CLIP2: variants seen among roughly 807,000 people sequenced by gnomAD.
CLIP2 encodes the protein CAP-Gly domain containing linker protein 2, also known as CAP-Gly domain-containing linker protein 2.
CLIP2 carries 41 observed loss-of-function variants against 111.7 expected under a neutral mutation model. That is an observed-to-expected ratio of 0.37 (90% CI 0.29 to 0.48). CLIP2 has a LOEUF of 0.48. Ranked by LOEUF, CLIP2 falls within the 20% of genes least tolerant of loss-of-function variation. CLIP2 has a pLI of 0.99. For synonymous variants in CLIP2, 660 were observed against 644.2 expected (o/e 1.02, Z -0.37); for missense variants, 1,160 against 1,422.1 (o/e 0.82, Z 2.96).
intron 15 of CLIP2, among the ~76,000 whole-genome samples, 198 bp from the exon 16 acceptor site, chr7:74,401,307 C>T (rs1791612081): frequency 6.6e-6 from 1 of 152,212 alleles, no homozygotes; most frequent in South Asian, 2.1e-4. Flanking sequence ...ATGGCTTTGC[C>T]CTGAGGAGCT....
At chr7:74,381,529 A>G (rs1790946849) in intron 11 of CLIP2, 1 of 449,470 alleles carries the variant, frequency 2.2e-6, no homozygotes, top group Non-Finnish European at 4.5e-6. Flanking sequence ...AATGGTTCAA[A>G]GGGCATATGG....
chr7:74,401,184 G>T (rs1008471061), intron 15 of CLIP2, among the ~76,000 whole-genome samples: 8 of 152,008 alleles, frequency 5.3e-5, no homozygotes, highest in Non-Finnish European at 1.2e-4. Context: ...TCAGAAATGG[G>T]AGGCAGCCCT....
At chr7:74,336,775 G>C (rs1789472976) in intron 2 of CLIP2, among the ~76,000 whole-genome samples, 1 of 151,874 alleles carries the variant, frequency 6.6e-6, no homozygotes, top group African/African-American at 2.4e-5. Context: ...GGGGGCAATT[G>C]GGGATCAGAT....
chr7:74,385,874 C>T (rs1584383002), intron 11 of CLIP2, among the ~76,000 whole-genome samples: 1 of 151,180 alleles, frequency 6.6e-6, no homozygotes, highest in East Asian at 1.9e-4. Context: ...TCCCAAGTAG[C>T]TGGAATTACA....
At chr7:74,395,136 C>T (rs1284260990) in intron 13 of CLIP2, among the ~76,000 whole-genome samples, 1 of 151,982 alleles carries the variant, frequency 6.6e-6, no homozygotes, top group East Asian at 1.9e-4. Flanking sequence ...AGATTCCTCC[C>T]TTCTAGGATA....
intron 2 of CLIP2, 60 bp downstream of exon 2, chr7:74,317,727 CTGGA>C: frequency 7.3e-7 from 1 of 1,362,864 alleles, no homozygotes; most frequent in Non-Finnish European, 9.5e-7. Flanking sequence ...GAGTGTTCTT[CTGGA>C]AGAGCCCCAG....
intron 15 of CLIP2, 40 bp downstream of exon 15, chr7:74,400,595 C>T (rs781911448): frequency 5.4e-6 from 8 of 1,494,986 alleles, no homozygotes; most frequent in Admixed American, 4.6e-5. Flanking sequence ...AGGCAAGCCA[C>T]GGGGCAGTGT....
rs1791582532 is a variant in CLIP2 at position 74,400,308 on chromosome 7, G to A, written c.2881-62G>A. On this transcript the variant is annotated intron_variant, in intron 14 of 16. Transcript: ENST00000223398. ...CTGGAAGACTTTCCTGCCTAGAGTT[G>A]AGACGCCCACCAACACACACACGCA... is the stretch of plus-strand genomic sequence containing the variant. 7.1e-6 allele frequency: 10 copies of A among 1,408,306 alleles called. No individual in the cohort carries two copies. The East Asian group carries it at 2.4e-4, about 34-fold the overall frequency. The allele number at this position is 1,408,306 out of a possible 1,614,324, so 87.2% of individuals were successfully genotyped here. A position where few individuals can be genotyped will look rare whatever the true frequency, so the allele number is the denominator to read the frequency against.
chr7:74,298,005 C>T (rs1554726299), intron 1 of CLIP2, among the ~76,000 whole-genome samples: 1 of 151,728 alleles, frequency 6.6e-6, no homozygotes, highest in Non-Finnish European at 1.5e-5. Flanking sequence ...TCCTAGGTAC[C>T]GAGAACCCAG....
Position 74,376,618 on chromosome 7 carries a change from C to T in CLIP2, c.2217C>T (p.Asp739=), listed in dbSNP as rs73705363. 6.4e-4 allele frequency: 1,025 copies of T among 1,613,150 alleles called. 6 individuals carry two copies. In the African/African-American group the frequency reaches 0.012, roughly 19 times the overall value. ...ELRVHELEKL[D]VEYRGQAQAI... ...GTGTGCACGAGCTGGAAAAACTGGACGTGGAGTACCGGGGCCAGGCGCAGG... is the reference window on the plus strand; with the variant it reads ...GTGTGCACGAGCTGGAAAAACTGGATGTGGAGTACCGGGGCCAGGCGCAGG... Residue 739 remains aspartate (D), a synonymous_variant, in exon 10 of 17, where the codon GAC becomes GAT. Transcript: ENST00000223398. The surrounding 1 kb of genome is among the most constrained non-coding windows in gnomAD (Gnocchi z 7.1).
rs920234748 is a variant in CLIP2, at chr7:74,332,980, C to T, written c.122-5468C>T. Among the ~76,000 whole-genome samples the T allele has an allele frequency of 1.3e-4, 20 of 152,326 alleles. No homozygotes were observed. In the East Asian group the frequency reaches 2.5e-3, roughly 19 times the overall value. On this transcript the variant is annotated intron_variant, in intron 2 of 16. Coordinates refer to ENST00000223398, the MANE Select transcript of CLIP2 (RefSeq NM_003388.5). Reference sequence around the variant, plus strand: ...ACAGGCAGGGCAGGACCCGCGTCCTCGCAGGCGGAGGGGAGAATGCGTCAT... The same window carrying T: ...ACAGGCAGGGCAGGACCCGCGTCCTTGCAGGCGGAGGGGAGAATGCGTCAT...
intron 3 of CLIP2, 88 bp downstream of exon 3, chr7:74,339,092 T>A: frequency 1.5e-6 from 2 of 1,301,898 alleles, no homozygotes; most frequent in Non-Finnish European, 2.1e-6. Flanking sequence ...CCCCCTGGGC[T>A]GGGCAGGGTG....
chr7:74,403,822 C>G lies in CLIP2; in HGVS notation c.3130-15C>G. 6.2e-7 allele frequency: 1 copy of G among 1,613,220 alleles called. No individual in the cohort carries two copies. The highest frequency in any genetic ancestry group is 1.1e-5 in the South Asian group (1 of 91,060). The stretch of plus-strand genomic sequence containing the variant: ...CTCTGAGACCCTTGCTGATGATGCC[C>G]TTTACTCTCTCTAGGACAAGCACTG... On this transcript the variant is annotated splice_polypyrimidine_tract_variant and intron_variant, in intron 16 of 16. Coordinates refer to ENST00000223398, the MANE Select transcript of CLIP2 (RefSeq NM_003388.5).
At chr7:74,369,594 C>T (rs1258164525) in intron 8 of CLIP2, among the ~76,000 whole-genome samples, 3 of 151,914 alleles carry the variant, frequency 2.0e-5, no homozygotes, top group East Asian at 1.9e-4. Context: ...CGGTGGCTCA[C>T]ACCTGTAATC....
chr7:74,329,980 T>C (rs879952666), intron 2 of CLIP2, among the ~76,000 whole-genome samples: 6 of 152,036 alleles, frequency 3.9e-5, no homozygotes, highest in Non-Finnish European at 7.4e-5. Context: ...GGTTTCGCCA[T>C]GTTGGTCAGG....
At chr7:74,356,350 G>A (rs1790142676) in intron 4 of CLIP2, 60 bp from the exon 5 acceptor site, 1 of 1,413,528 alleles carries the variant, frequency 7.1e-7, no homozygotes, top group African/African-American at 1.4e-5. Context: ...AGAGGAGGCA[G>A]GGGAGGCTCT....
chr7:74,365,482 C>A (rs1790453564), intron 8 of CLIP2, among the ~76,000 whole-genome samples: 2 of 152,200 alleles, frequency 1.3e-5, no homozygotes, highest in Admixed American at 6.5e-5. Context: ...TCTCCCAGCC[C>A]CGCCCACTAC....
In CLIP2 at chr7:74,338,923, C is replaced by A; in HGVS notation, c.597C>A (p.Gly199=). The A allele has an allele frequency of 6.2e-7, 1 of 1,601,346 alleles. No homozygotes were observed. Among genetic ancestry groups the A allele is most frequent in the South Asian group, 1.1e-5 (1 of 91,084 alleles). ...TCCTCAACAGCTCCGTGAAGACTGGCAACGAGTCGGGATCCAACCTCTCAG... is the reference window on the plus strand; with the variant it reads ...TCCTCAACAGCTCCGTGAAGACTGGAAACGAGTCGGGATCCAACCTCTCAG... ...ESVLNSSVKT[G]NESGSNLSDS... is the part of the protein sequence containing the mutation. Residue 199 remains glycine (G), a synonymous_variant, in exon 3 of 17, where the codon GGC becomes GGA. Transcript: ENST00000223398. This position sits in a 1 kb window ranked among gnomAD's most constrained non-coding sequence, Gnocchi z 4.3.
chr7:74,399,920 C>T (rs543440605), intron 14 of CLIP2, among the ~76,000 whole-genome samples: 1 of 151,220 alleles, frequency 6.6e-6, no homozygotes. Flanking sequence ...TTTGGGAAGC[C>T]GAGGCGGGTG....
Sources: allele counts gnomAD v4.1 joint callset (sites outside exome capture counted in the v4.1 genomes callset), GRCh38; gene constraint gnomAD v4.1.1; non-coding constraint Gnocchi (gnomAD v3.1); transcripts MANE v1.5; gene names NCBI Gene and HGNC (gene_info 2026-07-23, HGNC 2026-07-21).